The following HMCN1 variants were observed in gnomAD, a reference collection of about 807,000 sequenced individuals.
HMCN1 encodes hemicentin 1.
HMCN1 carries 321 observed loss-of-function variants against 625.9 expected under a neutral mutation model. The ratio of observed to expected loss-of-function variants is 0.51; its 90% CI spans 0.47 to 0.56. The LOEUF is 0.56. Among genes scored for constraint, HMCN1 ranks in the 20% least tolerant of loss-of-function variants. The pLI is 0.00. For missense variants in HMCN1, 6,588 were observed against 6,887.3 expected (o/e 0.96, Z 1.54); for synonymous variants, 2,425 against 2,417.6 (o/e 1.00, Z -0.09).
intron 89 of HMCN1, among the ~76,000 whole-genome samples, chr1:186,138,173 T>C (rs533926989): frequency 3.5e-4 from 54 of 152,288 alleles, no homozygotes; most frequent in African/African-American, 1.2e-3. Context: ...TTAAGCAAAA[T>C]ACCTGCTTTA....
At chr1:185,826,094 C>T (rs1028210930) in intron 1 of HMCN1, among the ~76,000 whole-genome samples, 5 of 150,306 alleles carry the variant, frequency 3.3e-5, no homozygotes, top group African/African-American at 1.3e-4. Context: ...TATTTTGAGG[C>T]ATATACAATA....
chr1:185,949,966 G>A (rs1438178084), intron 11 of HMCN1, among the ~76,000 whole-genome samples: 20 of 151,918 alleles, frequency 1.3e-4, no homozygotes, highest in African/African-American at 4.9e-4. Context: ...GGTTCTAAGA[G>A]GCGGGCTAGT....
At chr1:185,796,626 C>CTGTGTGTG (rs150495815) in intron 1 of HMCN1, among the ~76,000 whole-genome samples, 128 of 148,780 alleles carry the variant, frequency 8.6e-4, no homozygotes, top group African/African-American at 3.0e-3. Flanking sequence ...GAGTTTGTGT[C>CTGTGTGTG]TGTGTGTGTG....
intron 48 of HMCN1, among the ~76,000 whole-genome samples, chr1:186,062,961 G>T (rs962181892): frequency 6.7e-6 from 1 of 149,256 alleles, no homozygotes. Context: ...TAAGATAAAG[G>T]CCTCCGGTTC....
intron 54 of HMCN1, 112 bp downstream of exon 54, chr1:186,076,734 A>C: frequency 9.7e-7 from 1 of 1,030,156 alleles, no homozygotes; most frequent in Non-Finnish European, 1.5e-6. Context: ...TTTAACTGGC[A>C]GTTAGACTGC....
chr1:185,778,580 G>C lies in HMCN1; in HGVS notation c.268+43533G>C, dbSNP rs1228923439. ...CTCATTGTTCAATTCCCACCTATGA[G>C]TGAGAATATGCGGTGTTTGGTTTTT... On this transcript the variant is annotated intron_variant, in intron 1 of 106. Coordinates refer to ENST00000271588, the MANE Select transcript of HMCN1 (RefSeq NM_031935.3). Among the ~76,000 whole-genome samples the C allele has an allele frequency of 3.4e-5, 5 of 147,400 alleles. No individual in the cohort carries two copies. The East Asian group carries it at 1.0e-3, about 30-fold the overall frequency.
intron 1 of HMCN1, among the ~76,000 whole-genome samples, chr1:185,814,298 A>AT (rs151088755): frequency 0.041 from 6,280 of 152,164 alleles, 429 homozygotes; most frequent in African/African-American, 0.14. Context: ...AATAGATTAC[A>AT]TTTTTTTCTG....
In HMCN1 at chr1:186,048,850, T is replaced by G. The variant is rs1328346997; in HGVS notation, c.6577+11T>G. On this transcript the variant is annotated intron_variant, in intron 42 of 106. Coordinates refer to ENST00000271588, the MANE Select transcript of HMCN1 (RefSeq NM_031935.3). ...ATGTCAACATTTGGGGTAAGTGTAA[T>G]CAGCTCTTGAAAGCAAATAATGCAG... The G allele has an allele frequency of 6.5e-7, 1 of 1,545,288 alleles. No individual in the cohort carries two copies. Among genetic ancestry groups the G allele is most frequent in the African/African-American group, 1.4e-5 (1 of 73,622 alleles).
intron 1 of HMCN1, among the ~76,000 whole-genome samples, chr1:185,752,369 G>A (rs1028312950): frequency 1.3e-5 from 2 of 152,114 alleles, no homozygotes; most frequent in Non-Finnish European, 2.9e-5. Context: ...TGCCGACATG[G>A]ACATTAACAC....
In HMCN1 at chr1:186,166,799, C is replaced by T. The variant is rs374670687; in HGVS notation, c.15440-9C>T. On this transcript the variant is annotated splice_polypyrimidine_tract_variant and intron_variant, in intron 99 of 106. Transcript: ENST00000271588. ...GCTCACCTCAGTTGAATGATTCCCT[C>T]TGTTGCAGATATTGATGAGTGTGCT... 393 of 1,614,034 alleles carry T rather than the reference C, an allele frequency of 2.4e-4. No individual in the cohort carries two copies. Among genetic ancestry groups the T allele is most frequent in the Non-Finnish European group, 3.0e-4 (355 of 1,180,002 alleles).
intron 4 of HMCN1, among the ~76,000 whole-genome samples, chr1:185,887,677 T>C (rs1187632135): frequency 6.9e-6 from 1 of 144,814 alleles, no homozygotes; most frequent in African/African-American, 2.8e-5. Context: ...ATGGTGTATA[T>C]GTGCCACATT....
intron 4 of HMCN1, among the ~76,000 whole-genome samples, chr1:185,886,365 A>T (rs1664650192): frequency 6.6e-6 from 1 of 152,150 alleles, no homozygotes; most frequent in Non-Finnish European, 1.5e-5. Flanking sequence ...AAGTAGATAA[A>T]TACCTAAGAG....
At chr1:185,917,784 T>A (rs1315976899) in intron 6 of HMCN1, among the ~76,000 whole-genome samples, 1 of 152,150 alleles carries the variant, frequency 6.6e-6, no homozygotes, top group Non-Finnish European at 1.5e-5. Context: ...AGTAAATCCA[T>A]CTGCAGTAGA....
At chr1:185,941,925 G>T (rs1668099270) in intron 11 of HMCN1, among the ~76,000 whole-genome samples, 1 of 152,082 alleles carries the variant, frequency 6.6e-6, no homozygotes, top group African/African-American at 2.4e-5. Context: ...GGGTGTGGTG[G>T]CTCATGCCTG....
intron 32 of HMCN1, among the ~76,000 whole-genome samples, chr1:186,016,443 T>C (rs1654373552): frequency 6.6e-6 from 1 of 152,102 alleles, no homozygotes; most frequent in African/African-American, 2.4e-5. Flanking sequence ...TCCACTGATT[T>C]TGATAAGTAT....
At chr1:185,967,613 G>A (rs1650508117) in intron 14 of HMCN1, among the ~76,000 whole-genome samples, 1 of 151,930 alleles carries the variant, frequency 6.6e-6, no homozygotes, top group Non-Finnish European at 1.5e-5. Flanking sequence ...CATAAACAGA[G>A]TAGAGTTAGG....
intron 1 of HMCN1, among the ~76,000 whole-genome samples, chr1:185,836,463 G>C (rs1468275912): frequency 6.6e-6 from 1 of 151,570 alleles, no homozygotes; most frequent in African/African-American, 2.4e-5. Flanking sequence ...ATAAACATTG[G>C]CTTATTTTTC....
chr1:185,834,039 T>G (rs1661028723), intron 1 of HMCN1, among the ~76,000 whole-genome samples: 1 of 152,196 alleles, frequency 6.6e-6, no homozygotes, highest in Non-Finnish European at 1.5e-5. Flanking sequence ...GTGATTTCTG[T>G]ATATTGTTCA....
intron 18 of HMCN1, 126 bp downstream of exon 18, chr1:185,982,515 ACC>A (rs1651718179): frequency 1.2e-6 from 1 of 845,522 alleles, no homozygotes; most frequent in Non-Finnish European, 1.9e-6. Flanking sequence ...ATCTAGGCTC[ACC>A]GCAACCTCTG....
Sources: allele counts gnomAD v4.1 joint callset (sites outside exome capture counted in the v4.1 genomes callset), GRCh38; gene constraint gnomAD v4.1.1; transcripts MANE v1.5; gene names NCBI Gene and HGNC (gene_info 2026-07-23, HGNC 2026-07-21).